The following NBEA variants were observed in gnomAD, a reference collection of about 807,000 sequenced individuals.
NBEA encodes the protein neurobeachin, also known as lysosomal-trafficking regulator 2.
A neutral mutation model predicts 343.4 loss-of-function variants in NBEA; 44 were observed. That is an observed-to-expected ratio of 0.13 (90% CI 0.10 to 0.16). The LOEUF (loss-of-function observed/expected upper bound fraction) is 0.16. NBEA is among the 10% of genes least tolerant of loss of function. The pLI is 1.00. For synonymous variants in NBEA, 1,175 were observed against 1,238.7 expected (o/e 0.95, Z 1.08); for missense variants, 2,555 against 3,631.3 (o/e 0.70, Z 7.62).
chr13:35,197,129 A>G (rs888164902), intron 31 of NBEA, among the ~76,000 whole-genome samples: 8 of 152,178 alleles, frequency 5.3e-5, no homozygotes, highest in Admixed American at 3.3e-4. Context: ...TTTAGTCACT[A>G]ATTACTAACA....
intron 1 of NBEA, among the ~76,000 whole-genome samples, chr13:34,998,134 T>C (rs2060999950): frequency 1.3e-5 from 2 of 152,038 alleles, no homozygotes; most frequent in South Asian, 2.1e-4. Context: ...GGGGGAGATA[T>C]CACATGTTGG....
intron 38 of NBEA, among the ~76,000 whole-genome samples, chr13:35,401,683 C>A (rs1037634515): frequency 2.6e-5 from 4 of 151,816 alleles, no homozygotes; most frequent in African/African-American, 9.7e-5. Flanking sequence ...CAATAAGATC[C>A]GTCTATTGCT....
At chr13:35,455,578 A>T (rs939383955) in intron 40 of NBEA, among the ~76,000 whole-genome samples, 1 of 152,136 alleles carries the variant, frequency 6.6e-6, no homozygotes, top group African/African-American at 2.4e-5. Context: ...GTTACTCTTC[A>T]GTACATTTAC....
At chr13:35,658,731 G>A (rs80295187) in intron 55 of NBEA, among the ~76,000 whole-genome samples, 9,634 of 152,230 alleles carry the variant, frequency 0.063, 338 homozygotes, top group South Asian at 0.1. Flanking sequence ...ACTGGTTTTA[G>A]CTTTTTTCCA....
chr13:35,647,687 C>T (rs977371813), intron 51 of NBEA, among the ~76,000 whole-genome samples: 4 of 152,106 alleles, frequency 2.6e-5, no homozygotes, highest in Non-Finnish European at 2.9e-5. Context: ...CTGCCTTAGC[C>T]TCCCGAGTAG....
chr13:35,668,432 T>C lies in NBEA; in HGVS notation c.8726T>C (p.Val2909Ala). Reference sequence around the variant, plus strand: ...GGAGGGGACAATGGGGTAGTAGAGGTCTGGCAGGCCTGTGACTTCAAGCAA... The same window carrying C: ...GGAGGGGACAATGGGGTAGTAGAGGCCTGGCAGGCCTGTGACTTCAAGCAA... The part of the protein sequence containing the change: ...VTGGDNGVVE[V>A]WQACDFKQLY... The change falls in exon 58 of 59, where the codon GTC (valine) becomes GCC (alanine). Residue 2909 changes from valine to alanine, a missense_variant. Physicochemically the swap from Val to Ala is moderately conservative, Grantham distance 64. Transcript: ENST00000379939. The C allele has an allele frequency of 6.2e-7, 1 of 1,613,216 alleles. No individual in the cohort carries two copies. The highest frequency in any genetic ancestry group is 8.5e-7 in the Non-Finnish European group (1 of 1,179,588).
At chr13:35,625,414 T>A (rs1033754577) in intron 48 of NBEA, among the ~76,000 whole-genome samples, 6 of 152,090 alleles carry the variant, frequency 3.9e-5, no homozygotes, top group African/African-American at 1.4e-4. Context: ...CTCAGGAGTT[T>A]GAGACCAGCC....
chr13:35,007,746 G>A (rs1009760555), intron 1 of NBEA, among the ~76,000 whole-genome samples: 9 of 152,184 alleles, frequency 5.9e-5, no homozygotes, highest in African/African-American at 2.2e-4. Flanking sequence ...GCCCGCATTG[G>A]CCTCTCAAAG....
chr13:35,262,214 T>C (rs1007217669), intron 34 of NBEA, among the ~76,000 whole-genome samples: 1 of 152,132 alleles, frequency 6.6e-6, no homozygotes, highest in African/African-American at 2.4e-5. Flanking sequence ...CATCCATGGT[T>C]GTCATCCATG....
chr13:35,209,277 G>A (rs1030825093), intron 32 of NBEA, among the ~76,000 whole-genome samples: 3 of 152,158 alleles, frequency 2.0e-5, no homozygotes, highest in African/African-American at 7.2e-5. Flanking sequence ...TATATTCTTT[G>A]CTAAATCCCC....
intron 41 of NBEA, among the ~76,000 whole-genome samples, chr13:35,513,440 C>T (rs1190069645): frequency 1.3e-5 from 2 of 151,244 alleles, no homozygotes; most frequent in African/African-American, 2.4e-5. Flanking sequence ...CATGAGCCAC[C>T]GTGCCTGGCC....
At chr13:35,134,274 A>G (rs780542587) in intron 17 of NBEA, among the ~76,000 whole-genome samples, 4 of 151,968 alleles carry the variant, frequency 2.6e-5, no homozygotes, top group African/African-American at 9.7e-5. Context: ...AGAGAAATTG[A>G]GTAATAGATT....
intron 35 of NBEA, among the ~76,000 whole-genome samples, chr13:35,294,226 A>C (rs1451495211): frequency 6.6e-6 from 1 of 152,048 alleles, no homozygotes; most frequent in Non-Finnish European, 1.5e-5. Flanking sequence ...CACTTGTAAA[A>C]GAACCACAAC....
At chr13:35,161,539 A>G (rs547747160) in intron 22 of NBEA, among the ~76,000 whole-genome samples, 13 of 152,282 alleles carry the variant, frequency 8.5e-5, no homozygotes, top group Middle Eastern at 3.4e-3. Flanking sequence ...AGTTTCTGCA[A>G]TAGTAAAATA....
chr13:35,143,247 C>T (rs1453003519), intron 18 of NBEA, among the ~76,000 whole-genome samples: 5 of 152,206 alleles, frequency 3.3e-5, no homozygotes, highest in Admixed American at 6.5e-5. Context: ...GTGCCACGAC[C>T]GCAGAGTTAA....
intron 55 of NBEA, among the ~76,000 whole-genome samples, chr13:35,660,469 C>A (rs2085037072): frequency 6.6e-6 from 1 of 152,180 alleles, no homozygotes; most frequent in African/African-American, 2.4e-5. Flanking sequence ...TTCTATTCCA[C>A]TTTTTAAAAA....
chr13:35,489,099 A>T (rs1373102882), intron 41 of NBEA, among the ~76,000 whole-genome samples: 1 of 151,506 alleles, frequency 6.6e-6, no homozygotes, highest in Non-Finnish European at 1.5e-5. Context: ...TTTAATGAGG[A>T]TGTTTCATTA....
At chr13:35,343,177 C>T (rs1281103592) in intron 36 of NBEA, among the ~76,000 whole-genome samples, 1 of 152,004 alleles carries the variant, frequency 6.6e-6, no homozygotes, top group Non-Finnish European at 1.5e-5. Context: ...GTAGGAAGAG[C>T]TGAATTTTCT....
intron 45 of NBEA, among the ~76,000 whole-genome samples, chr13:35,577,144 A>G (rs1271664172): frequency 6.6e-6 from 1 of 152,214 alleles, no homozygotes; most frequent in Non-Finnish European, 1.5e-5. Flanking sequence ...CCCGCTAGAA[A>G]AAGAGAGCTT....
Sources: allele counts gnomAD v4.1 joint callset (sites outside exome capture counted in the v4.1 genomes callset), GRCh38; gene constraint gnomAD v4.1.1; transcripts MANE v1.5; gene names NCBI Gene and HGNC (gene_info 2026-07-23, HGNC 2026-07-21).